The following PHF14 variants were observed in gnomAD, a reference collection of about 807,000 sequenced individuals.
PHF14 encodes the protein PHD finger protein 14.
PHF14 carries 55 observed loss-of-function variants against 117.9 expected under a neutral mutation model. That is an observed-to-expected ratio of 0.47 (90% CI 0.38 to 0.58). The LOEUF (loss-of-function observed/expected upper bound fraction) is 0.58. Ranked by LOEUF, PHF14 falls within the 20% of genes least tolerant of loss-of-function variation. PHF14 has a pLI of 0.00. For missense variants in PHF14, 978 were observed against 1,122.2 expected (o/e 0.87, Z 1.84); for synonymous variants, 409 against 368.6 (o/e 1.11, Z -1.26).
chr7:10,994,374 G>C (rs1782559756), intron 4 of PHF14, among the ~76,000 whole-genome samples: 1 of 152,216 alleles, frequency 6.6e-6, no homozygotes, highest in Non-Finnish European at 1.5e-5. Context: ...AGGAGGCAGA[G>C]GTTGCAGTGA....
At chr7:11,054,307 C>G (rs1382239010) in intron 14 of PHF14, among the ~76,000 whole-genome samples, 1 of 152,110 alleles carries the variant, frequency 6.6e-6, no homozygotes, top group Non-Finnish European at 1.5e-5. Context: ...TTTGACTAAG[C>G]AGATTTCTTA....
chr7:11,009,675 G>A (rs890890175), intron 4 of PHF14, among the ~76,000 whole-genome samples: 6 of 152,254 alleles, frequency 3.9e-5, no homozygotes, highest in Non-Finnish European at 7.4e-5. Flanking sequence ...AACCCAACAG[G>A]TATGACAGAG....
At chr7:11,140,755 GATAAA>G (rs1318549796) in intron 17 of PHF14, among the ~76,000 whole-genome samples, 4 of 152,036 alleles carry the variant, frequency 2.6e-5, no homozygotes, top group African/African-American at 9.7e-5. Context: ...TACTATTTAT[GATAAA>G]ATAAAGAGCT....
At chr7:11,037,780 C>G (rs1055130356) in intron 10 of PHF14, among the ~76,000 whole-genome samples, 1 of 152,068 alleles carries the variant, frequency 6.6e-6, no homozygotes, top group African/African-American at 2.4e-5. Flanking sequence ...GTAGGAAGTA[C>G]GTTTCCAATA....
chr7:11,064,544 A>G (rs1279258900), intron 16 of PHF14, among the ~76,000 whole-genome samples: 1 of 151,944 alleles, frequency 6.6e-6, no homozygotes, highest in African/African-American at 2.4e-5. Context: ...GTTCTTTTAA[A>G]CTGATGTTTA....
chr7:11,169,592 T>A lies in PHF14; in HGVS notation c.*102T>A. On this transcript the variant is annotated 3_prime_UTR_variant, in exon 18 of 18. Coordinates refer to ENST00000634607, the MANE Select transcript of PHF14 (RefSeq NM_001007157.2). ...ATTGTAAAATCTAATTTGCAAAATG[T>A]TCTCAATAAAGTCATTCAAAATGAA... 1.9e-6 allele frequency: 1 copy of A among 527,332 alleles called. No individual in the cohort carries two copies. Among genetic ancestry groups the A allele is most frequent in the Non-Finnish European group, 3.3e-6 (1 of 302,790 alleles). The allele number at this position is 527,332 out of a possible 1,614,324, so 32.7% of individuals were successfully genotyped here.
chr7:11,144,371 T>G (rs1290109663), intron 17 of PHF14, among the ~76,000 whole-genome samples: 1 of 151,864 alleles, frequency 6.6e-6, no homozygotes, highest in African/African-American at 2.4e-5. Flanking sequence ...TGGGTATTTA[T>G]CTAAAGGAAA....
At chr7:11,026,620 T>C (rs1783919541) in intron 6 of PHF14, among the ~76,000 whole-genome samples, 1 of 152,198 alleles carries the variant, frequency 6.6e-6, no homozygotes. Context: ...AATTACTTAA[T>C]TGACTACAGC....
intron 5 of PHF14, among the ~76,000 whole-genome samples, chr7:11,020,532 C>T (rs973821123): frequency 6.6e-6 from 1 of 152,034 alleles, no homozygotes; most frequent in African/African-American, 2.4e-5. Flanking sequence ...GGGCATGCCA[C>T]GACACCTGGC....
chr7:11,042,017 G>A (rs1483694748), intron 12 of PHF14, among the ~76,000 whole-genome samples: 1 of 151,810 alleles, frequency 6.6e-6, no homozygotes, highest in African/African-American at 2.4e-5. Context: ...TTGCATAAGA[G>A]AAGTTAGATT....
At chr7:11,063,624 A>C in intron 16 of PHF14, 1 of 976,194 alleles carries the variant, frequency 1.0e-6, no homozygotes, top group East Asian at 1.1e-4. Flanking sequence ...AGATTGATTG[A>C]GGCCTTTTTG....
intron 6 of PHF14, among the ~76,000 whole-genome samples, chr7:11,024,186 T>C (rs776500840): frequency 6.6e-6 from 1 of 152,186 alleles, no homozygotes; most frequent in Non-Finnish European, 1.5e-5. Flanking sequence ...ATCCAGAGCA[T>C]GACCCTAACT....
chr7:11,100,747 T>C (rs1449988562), intron 16 of PHF14, among the ~76,000 whole-genome samples: 1 of 151,932 alleles, frequency 6.6e-6, no homozygotes, highest in Non-Finnish European at 1.5e-5. Flanking sequence ...AAGAATTACT[T>C]GCCCAAGATT....
In PHF14 at chr7:11,125,299, A is replaced by T. The variant is rs549124486; in HGVS notation, c.2772+13832A>T. On this transcript the variant is annotated intron_variant, in intron 17 of 17. Coordinates refer to ENST00000634607, the MANE Select transcript of PHF14 (RefSeq NM_001007157.2). ...AAAGTAACTACAGCCAGCCACACTC[A>T]ATCCCTTTGCAAAGATAGTTTAAGA... Among the ~76,000 whole-genome samples, 9 of 152,234 alleles carry T rather than the reference A, an allele frequency of 5.9e-5. No homozygotes were observed. The East Asian group carries it at 1.7e-3, about 29-fold the overall frequency.
At chr7:11,132,066 A>G (rs1285762974) in intron 17 of PHF14, among the ~76,000 whole-genome samples, 1 of 151,838 alleles carries the variant, frequency 6.6e-6, no homozygotes, top group Non-Finnish European at 1.5e-5. Context: ...CATATCCATC[A>G]TGTCACATAA....
chr7:11,044,418 T>C (rs1784601257), intron 13 of PHF14, among the ~76,000 whole-genome samples: 1 of 152,180 alleles, frequency 6.6e-6, no homozygotes, highest in Non-Finnish European at 1.5e-5. Context: ...GCCTTTTCAT[T>C]GTTGTTAGTG....
In PHF14 at chr7:11,109,215, A is replaced by G. The variant is rs1368680493; in HGVS notation, c.2655-2135A>G. 2.0e-5 allele frequency: 3 copies of G among 151,824 alleles called. No individual in the cohort carries two copies. The East Asian group carries it at 5.8e-4, about 29-fold the overall frequency. The allele number at this position is 151,824 out of a possible 1,614,324, so 9.4% of individuals were successfully genotyped here. The stretch of plus-strand genomic sequence containing the variant: ...GGGGAATTTATGCTTAAGCAAACAC[A>G]CCGAAAATATCAGGAAGCAGTGGCT... On this transcript the variant is annotated intron_variant, in intron 16 of 17. Transcript: ENST00000634607.
intron 4 of PHF14, among the ~76,000 whole-genome samples, chr7:11,013,243 C>G (rs1048245912): frequency 6.6e-6 from 1 of 152,078 alleles, no homozygotes; most frequent in Non-Finnish European, 1.5e-5. Context: ...CTCACTGCAA[C>G]CTTTGCCTCC....
chr7:11,154,379 C>T (rs963225971), intron 17 of PHF14, among the ~76,000 whole-genome samples: 3 of 152,056 alleles, frequency 2.0e-5, no homozygotes, highest in Admixed American at 6.6e-5. Context: ...TTCCAATAGT[C>T]AGTATTTCTA....
Sources: allele counts gnomAD v4.1 joint callset (sites outside exome capture counted in the v4.1 genomes callset), GRCh38; gene constraint gnomAD v4.1.1; transcripts MANE v1.5; gene names NCBI Gene and HGNC (gene_info 2026-07-23, HGNC 2026-07-21).